Variants in MAPKBP1 observed in about 807,000 individuals in gnomAD.
MAPKBP1 encodes the protein mitogen-activated protein kinase-binding protein 1.
A neutral mutation model predicts 170.5 loss-of-function variants in MAPKBP1; 71 were observed. The observed-to-expected ratio is 0.42, with a 90% CI of 0.34 to 0.51. MAPKBP1 has a LOEUF of 0.51. MAPKBP1 is among the 20% of genes least tolerant of loss of function. The pLI is 0.06. For synonymous variants in MAPKBP1, 719 were observed against 757.9 expected, an observed-to-expected ratio of 0.95 and a Z score of 0.84; for missense variants, 1,598 against 1,933.0, an observed-to-expected ratio of 0.83 and a Z score of 3.25.
chr15:41,819,552 G>GGGGGGT, intron 21 of MAPKBP1, 43 bp from the exon 22 acceptor site: 1 of 1,508,798 alleles, frequency 6.6e-7, no homozygotes. Context: ...GGTGGCGGGG[G>GGGGGGT]GGGGGCAGGA....
intron 1 of MAPKBP1, chr15:41,774,952 C>T (rs569617438): frequency 1.3e-5 from 6 of 479,108 alleles, no homozygotes; most frequent in Non-Finnish European, 2.2e-5. Flanking sequence ...GCCAGTTAAA[C>T]GCCTCTGGCG....
At chr15:41,808,193 G>A (rs374739349) in intron 3 of MAPKBP1, among the ~76,000 whole-genome samples, 4 of 134,540 alleles carry the variant, frequency 3.0e-5, no homozygotes, top group African/African-American at 8.2e-5. Flanking sequence ...TGCAAGCTCC[G>A]CCTCCTGGGT....
intron 3 of MAPKBP1, among the ~76,000 whole-genome samples, chr15:41,807,766 A>G (rs189036665): frequency 8.3e-4 from 127 of 152,340 alleles, no homozygotes; most frequent in African/African-American, 2.8e-3. Context: ...GGCTGGGCAC[A>G]GTGGCTCACG....
chr15:41,810,543 CAAAA>C (rs11415317), intron 3 of MAPKBP1: 713 of 152,286 alleles, frequency 4.7e-3, no homozygotes, highest in Middle Eastern at 0.014. Context: ...CCCGTGTCTA[CAAAA>C]AAAAAAAAAA....
At chr15:41,785,626 C>G (rs1003999841) in intron 2 of MAPKBP1, among the ~76,000 whole-genome samples, 1 of 151,866 alleles carries the variant, frequency 6.6e-6, no homozygotes, top group Non-Finnish European at 1.5e-5. Flanking sequence ...AATTTACAGG[C>G]CAAGTGAAAA....
At chr15:41,782,794 G>A (rs1223560390) in intron 2 of MAPKBP1, among the ~76,000 whole-genome samples, 2 of 150,940 alleles carry the variant, frequency 1.3e-5, no homozygotes, top group African/African-American at 4.9e-5. Context: ...CCAAAGAGGG[G>A]GAAAAAAAAG....
intron 7 of MAPKBP1, 129 bp from the exon 8 acceptor site, chr15:41,812,790 T>C (rs1191892286): frequency 1.4e-6 from 2 of 1,441,238 alleles, no homozygotes; most frequent in African/African-American, 1.4e-5. Flanking sequence ...AGCCAGATGC[T>C]GTCTGGGCTG....
intron 3 of MAPKBP1, among the ~76,000 whole-genome samples, chr15:41,802,898 G>A (rs1184539718): frequency 6.6e-6 from 1 of 152,202 alleles, no homozygotes; most frequent in Non-Finnish European, 1.5e-5. Context: ...CATAGGGTCA[G>A]GATCATCAAG....
chr15:41,822,564 C>T lies in MAPKBP1; in HGVS notation c.3230-29C>T, dbSNP rs200854158. On this transcript the variant is annotated intron_variant, in intron 26 of 30. Coordinates refer to ENST00000457542, the MANE Select transcript of MAPKBP1 (RefSeq NM_014994.3). ...CTGGGGCAAGGGCTTGGTTTTTGCC[C>T]CAATTCATGATTTCTCTGACCTTGG... The T allele has an allele frequency of 3.1e-6, 5 of 1,612,458 alleles. No homozygotes were observed. The East Asian group carries it at 1.1e-4, about 36-fold the overall frequency.
intron 2 of MAPKBP1, among the ~76,000 whole-genome samples, chr15:41,783,109 G>T (rs2064219130): frequency 6.6e-6 from 1 of 152,200 alleles, no homozygotes; most frequent in South Asian, 2.1e-4. Flanking sequence ...GGATTGGTTG[G>T]GGAGTGAAGG....
In MAPKBP1 at chr15:41,825,578, T is replaced by C; in HGVS notation, c.*142T>C. 1 of 649,328 alleles carries C rather than the reference T, an allele frequency of 1.5e-6. No homozygotes were observed. The highest frequency in any genetic ancestry group is 2.6e-6 in the Non-Finnish European group (1 of 391,272). The allele number at this position is 649,328 out of a possible 1,614,324, so 40.2% of individuals were successfully genotyped here. A position where few individuals can be genotyped will look rare whatever the true frequency, so the allele number is the denominator to read the frequency against. ...GAGGCAAAGCAGCCTTCCCAGCCGC[T>C]CCTCGTGGGGGGCCTGTATTTATTA... is the stretch of plus-strand genomic sequence containing the variant. On this transcript the variant is annotated 3_prime_UTR_variant, in exon 31 of 31. Transcript: ENST00000457542.
chr15:41,781,562 G>T (rs943145628), intron 2 of MAPKBP1, among the ~76,000 whole-genome samples: 7 of 151,940 alleles, frequency 4.6e-5, no homozygotes, highest in African/African-American at 1.7e-4. Flanking sequence ...ATGATTGCTC[G>T]AGCCCAGGAG....
chr15:41,808,779 C>T (rs2064751282), intron 3 of MAPKBP1, among the ~76,000 whole-genome samples: 1 of 152,030 alleles, frequency 6.6e-6, no homozygotes, highest in Non-Finnish European at 1.5e-5. Context: ...CCCGGCCTGT[C>T]ATACTTTTTA....
In MAPKBP1 at chr15:41,819,375, A is replaced by C; in HGVS notation, c.2421A>C (p.Ala807=). The change falls in exon 21 of 31, where the codon GCA becomes GCC. Residue 807 remains alanine (A), a synonymous_variant. Coordinates refer to ENST00000457542, the MANE Select transcript of MAPKBP1 (RefSeq NM_014994.3). Reference sequence around the variant, plus strand: ...TCCTTGCCAAGAGTACCAAGAAGGCACTGGGTCTGTGGCAGTTGGGTGTGG... The same window carrying C: ...TCCTTGCCAAGAGTACCAAGAAGGCCCTGGGTCTGTGGCAGTTGGGTGTGG... ...LPVLAKSTKK[A]LASVPSPALP... is the part of the protein sequence containing the mutation. 1 of 1,614,072 alleles carries C rather than the reference A, an allele frequency of 6.2e-7. No individual in the cohort carries two copies. The highest frequency in any genetic ancestry group is 1.3e-5 in the African/African-American group (1 of 75,054).
At position 41,810,654 on chromosome 15, in the gene MAPKBP1, G is replaced by T; in HGVS notation, c.207-229G>T. 5.9e-6 allele frequency: 3 copies of T among 505,292 alleles called. No individual in the cohort carries two copies. In the South Asian group the frequency reaches 9.3e-5, roughly 16 times the overall value. The allele number at this position is 505,292 out of a possible 1,614,324, so 31.3% of individuals were successfully genotyped here. A position where few individuals can be genotyped will look rare whatever the true frequency, so the allele number is the denominator to read the frequency against. On this transcript the variant is annotated intron_variant, in intron 3 of 30. Transcript: ENST00000457542. ...GGATTGCTTGAACCTGCAAGTTGAG[G>T]CTGCACTGAGCCATGTTTGCACCAC...
At position 41,823,558 on chromosome 15, in the gene MAPKBP1, G is replaced by T; in HGVS notation, c.3710G>T (p.Arg1237Leu). 1 of 1,614,092 alleles carries T rather than the reference G, an allele frequency of 6.2e-7. No homozygotes were observed. Among genetic ancestry groups the T allele is most frequent in the Non-Finnish European group, 8.5e-7 (1 of 1,180,010 alleles). Residue 1237 changes from arginine to leucine, a missense_variant, in exon 29 of 31, where the codon CGG becomes CTG. Around this residue, in one of 6 missense-constraint regions of MAPKBP1, gnomAD observed 942 missense variants for 953.2 expected, o/e 0.99. Coordinates refer to ENST00000457542, the MANE Select transcript of MAPKBP1 (RefSeq NM_014994.3). The part of the protein sequence containing the change: ...SLPPADGRPS[R>L]PHSYQNPTTS... ...CCCCCAGCTGATGGCCGTCCGTCTCGGCCTCACTCCTATCAGAACCCCACC... is the reference window on the plus strand; with the variant it reads ...CCCCCAGCTGATGGCCGTCCGTCTCTGCCTCACTCCTATCAGAACCCCACC...
intron 2 of MAPKBP1, among the ~76,000 whole-genome samples, chr15:41,790,425 A>C (rs1419687464): frequency 6.6e-6 from 1 of 152,138 alleles, no homozygotes; most frequent in Non-Finnish European, 1.5e-5. Context: ...CATGAAAAAA[A>C]CCTTAAGTTC....
intron 2 of MAPKBP1, among the ~76,000 whole-genome samples, chr15:41,787,507 A>G (rs905845395): frequency 5.3e-5 from 8 of 152,066 alleles, no homozygotes; most frequent in African/African-American, 1.9e-4. Flanking sequence ...AACTGGGACT[A>G]CAGGCACCCG....
intron 2 of MAPKBP1, among the ~76,000 whole-genome samples, chr15:41,781,097 A>G (rs563941150): frequency 1.4e-5 from 2 of 147,816 alleles, no homozygotes; most frequent in African/African-American, 5.0e-5. Context: ...CTTTTTTGAG[A>G]CAGAGTCTCA....
Sources: allele counts gnomAD v4.1 joint callset (sites outside exome capture counted in the v4.1 genomes callset), GRCh38; gene constraint gnomAD v4.1.1; regional missense constraint gnomAD v4.1.1; transcripts MANE v1.5; gene names NCBI Gene and HGNC (gene_info 2026-07-23, HGNC 2026-07-21).